The following PTPRT variants were observed in gnomAD, a reference collection of about 807,000 sequenced individuals.
The protein encoded by PTPRT is protein tyrosine phosphatase receptor type T.
Under a neutral mutation model 176.8 loss-of-function variants are expected in PTPRT, and 56 were observed. That is an observed-to-expected ratio of 0.32 (90% CI 0.26 to 0.40). The LOEUF is 0.40. Ranked by LOEUF, PTPRT falls within the 10% of genes least tolerant of loss-of-function variation. PTPRT has a pLI of 1.00. For missense variants in PTPRT, 1,540 were observed against 1,908.2 expected, an observed-to-expected ratio of 0.81 and a Z score of 3.60; for synonymous variants, 783 against 739.0, an observed-to-expected ratio of 1.06 and a Z score of -0.96.
chr20:42,201,950 C>CGTGCGTGTGTGTGTGT (rs1991468638), intron 15 of PTPRT, among the ~76,000 whole-genome samples: 2 of 143,214 alleles, frequency 1.4e-5, no homozygotes, highest in Middle Eastern at 3.6e-3. Context: ...AGAAAAGTTG[C>CGTGCGTGTGTGTGTGT]GTGTGTGTGT....
chr20:42,447,851 G>A lies in PTPRT; in HGVS notation c.1560+369C>T, dbSNP rs150581522. On this transcript the variant is annotated intron_variant, in intron 9 of 30. Coordinates refer to ENST00000373187, the MANE Select transcript of PTPRT (RefSeq NM_007050.6). The stretch of plus-strand genomic sequence containing the variant: ...TTTCAAAGCAAAGAGACTGATATTC[G>A]TAAAGTGAGCATCATGTGGGTATTG... 2.4e-3 allele frequency among the ~76,000 whole-genome samples: 367 copies of A among 152,274 alleles called. 2 individuals are homozygous for A. The highest frequency in any genetic ancestry group is 7.9e-3 in the African/African-American group (328 of 41,558).
intron 9 of PTPRT, among the ~76,000 whole-genome samples, chr20:42,392,117 C>T (rs1367720790): frequency 6.6e-6 from 1 of 152,320 alleles, no homozygotes; most frequent in East Asian, 1.9e-4. Context: ...TAATTTGTCT[C>T]CTACAAGCCT....
chr20:42,329,798 C>T (rs976338759), intron 11 of PTPRT, among the ~76,000 whole-genome samples: 1 of 151,952 alleles, frequency 6.6e-6, no homozygotes, highest in South Asian at 2.1e-4. Flanking sequence ...TCTATATAAG[C>T]ATGCATTATT....
intron 8 of PTPRT, among the ~76,000 whole-genome samples, chr20:42,449,978 A>C (rs567747544): frequency 1.3e-5 from 2 of 152,352 alleles, no homozygotes; most frequent in East Asian, 3.9e-4. Flanking sequence ...TTTTTAAAAA[A>C]ATGTTAACTC....
intron 2 of PTPRT, among the ~76,000 whole-genome samples, chr20:42,807,721 G>A (rs140212030): frequency 7.2e-5 from 11 of 152,156 alleles, no homozygotes; most frequent in South Asian, 2.1e-4. Context: ...CTGCTTAATC[G>A]GGCTTCAATC....
At chr20:42,743,381 A>G (rs1352396874) in intron 6 of PTPRT, among the ~76,000 whole-genome samples, 12 of 152,138 alleles carry the variant, frequency 7.9e-5, no homozygotes, top group Admixed American at 4.6e-4. Context: ...GTTAGGGGGG[A>G]AAAAAGAAAC....
intron 5 of PTPRT, among the ~76,000 whole-genome samples, chr20:42,766,429 T>C (rs369402441): frequency 9.8e-4 from 150 of 152,352 alleles, no homozygotes; most frequent in African/African-American, 3.3e-3. Flanking sequence ...TCTAGGCTCA[T>C]GTGTTTGCAT....
intron 7 of PTPRT, among the ~76,000 whole-genome samples, chr20:42,673,371 T>G (rs2075445019): frequency 6.6e-6 from 1 of 152,176 alleles, no homozygotes; most frequent in African/African-American, 2.4e-5. Context: ...TACAGCAAAT[T>G]TCTAGGCTCA....
chr20:42,303,546 A>T (rs997693023), intron 12 of PTPRT, among the ~76,000 whole-genome samples: 1 of 152,140 alleles, frequency 6.6e-6, no homozygotes, highest in Admixed American at 6.6e-5. Context: ...CACAGATTCA[A>T]CCCCAGCTCG....
intron 9 of PTPRT, among the ~76,000 whole-genome samples, chr20:42,405,768 A>T (rs2145720023): frequency 6.6e-6 from 1 of 152,316 alleles, no homozygotes; most frequent in Non-Finnish European, 1.5e-5. Flanking sequence ...GAATCACCAC[A>T]CTGTCTTCCA....
At chr20:42,745,000 T>C (rs2076671677) in intron 6 of PTPRT, among the ~76,000 whole-genome samples, 2 of 152,324 alleles carry the variant, frequency 1.3e-5, no homozygotes, top group South Asian at 2.1e-4. Flanking sequence ...CTTGGCCAGC[T>C]TTATTGGCCT....
At chr20:42,561,662 A>G (rs1175782035) in intron 7 of PTPRT, among the ~76,000 whole-genome samples, 1 of 152,160 alleles carries the variant, frequency 6.6e-6, no homozygotes, top group Non-Finnish European at 1.5e-5. Flanking sequence ...GCTGATCTCC[A>G]CACTTGGTCA....
intron 1 of PTPRT, among the ~76,000 whole-genome samples, chr20:43,045,922 T>C (rs1373523355): frequency 6.6e-6 from 1 of 152,180 alleles, no homozygotes. Flanking sequence ...AAATGTCTAC[T>C]GAGCCAAAAC....
At chr20:42,746,438 A>G (rs1319903057) in intron 6 of PTPRT, among the ~76,000 whole-genome samples, 1 of 152,170 alleles carries the variant, frequency 6.6e-6, no homozygotes, top group Non-Finnish European at 1.5e-5. Flanking sequence ...ATAGGCACGC[A>G]CTTTGTTTAG....
intron 1 of PTPRT, among the ~76,000 whole-genome samples, chr20:43,144,656 G>A (rs1783639576): frequency 6.6e-6 from 1 of 152,154 alleles, no homozygotes; most frequent in South Asian, 2.1e-4. Context: ...CGGTTGCCTG[G>A]GGCTGGAGGT....
chr20:43,091,556 A>AAC (rs1313208358), intron 1 of PTPRT, among the ~76,000 whole-genome samples: 4 of 145,204 alleles, frequency 2.8e-5, no homozygotes, highest in African/African-American at 7.7e-5. Flanking sequence ...CATACACACA[A>AAC]ACACACACAC....
At chr20:42,147,850 G>A (rs1231229220) in intron 17 of PTPRT, among the ~76,000 whole-genome samples, 2 of 152,160 alleles carry the variant, frequency 1.3e-5, no homozygotes, top group East Asian at 3.9e-4. Flanking sequence ...TAGAGCCTCT[G>A]GGAGGGAGTG....
At chr20:42,677,474 C>A (rs2075525394) in intron 7 of PTPRT, among the ~76,000 whole-genome samples, 1 of 151,998 alleles carries the variant, frequency 6.6e-6, no homozygotes, top group Non-Finnish European at 1.5e-5. Context: ...CCCCCAGAGA[C>A]AAAACCAAGA....
At chr20:42,777,053 T>C (rs749964187) in intron 4 of PTPRT, among the ~76,000 whole-genome samples, 10 of 152,070 alleles carry the variant, frequency 6.6e-5, no homozygotes, top group Non-Finnish European at 1.5e-4. Context: ...TGGATGTCTC[T>C]CAGTCACCCT....
Sources: gnomAD v4.1 joint callset for allele counts (sites outside exome capture counted in the v4.1 genomes callset) on GRCh38, gnomAD v4.1.1 for gene constraint, MANE v1.5 for transcripts, NCBI Gene and HGNC (gene_info 2026-07-23, HGNC 2026-07-21) for gene names.